HDAC4: variants seen among roughly 807,000 people sequenced by gnomAD.
The protein encoded by HDAC4 is histone deacetylase 4, also known as histone deacetylase A.
HDAC4 carries 16 observed loss-of-function variants against 135.1 expected under a neutral mutation model. The observed-to-expected ratio is 0.12, with a 90% CI of 0.08 to 0.18. The LOEUF is 0.18. HDAC4 is among the 10% of genes least tolerant of loss of function. The probability of loss-of-function intolerance (pLI) is 1.00; values close to 1 mark genes in which losing one functional copy is unlikely to be tolerated. For missense variants in HDAC4, 1,143 were observed against 1,511.8 expected, an observed-to-expected ratio of 0.76 and a Z score of 4.05; for synonymous variants, 685 against 653.4, an observed-to-expected ratio of 1.05 and a Z score of -0.74.
At chr2:239,322,176 C>A (rs1330526613) in intron 2 of HDAC4, among the ~76,000 whole-genome samples, 1 of 152,228 alleles carries the variant, frequency 6.6e-6, no homozygotes, top group African/African-American at 2.4e-5. Context: ...AAGACTTGGC[C>A]TGCAACCAAT....
intron 18 of HDAC4, 151 bp from the exon 19 acceptor site, chr2:239,087,765 TG>T (rs2036120808): frequency 1.3e-6 from 1 of 755,380 alleles, no homozygotes; most frequent in African/African-American, 1.7e-5. Context: ...GGGGACAGGA[TG>T]CAGGGCCAGC....
Position 239,274,408 on chromosome 2 carries a change from G to A in HDAC4, c.23-37744C>T, listed in dbSNP as rs556918092. Among the ~76,000 whole-genome samples the A allele has an allele frequency of 2.0e-5, 3 of 152,232 alleles. No homozygotes were observed. The South Asian group carries it at 6.2e-4, about 32-fold the overall frequency. On this transcript the variant is annotated intron_variant, in intron 2 of 26. Coordinates refer to ENST00000543185, the MANE Select transcript of HDAC4 (RefSeq NM_001378414.1). ...GACAGGACAAGCCCAGTGCACCCCG[G>A]CGTCCCCTCCCAGTTTTAAGGACGA...
intron 12 of HDAC4, among the ~76,000 whole-genome samples, chr2:239,122,003 T>C (rs1439393308): frequency 2.0e-5 from 3 of 152,234 alleles, no homozygotes; most frequent in Non-Finnish European, 4.4e-5. Flanking sequence ...AGAGCCCCTT[T>C]CATCAATTCA....
intron 2 of HDAC4, among the ~76,000 whole-genome samples, chr2:239,260,963 TG>T (rs1394124506): frequency 6.6e-6 from 1 of 150,718 alleles, no homozygotes; most frequent in East Asian, 2.0e-4. Flanking sequence ...GGCACTGGGG[TG>T]GAGACGGAAG....
At chr2:239,288,294 C>A (rs2125464168) in intron 2 of HDAC4, among the ~76,000 whole-genome samples, 1 of 152,310 alleles carries the variant, frequency 6.6e-6, no homozygotes, top group South Asian at 2.1e-4. Flanking sequence ...ACACAGCTAT[C>A]CATGAACTTA....
chr2:239,368,533 C>A (rs527861951), intron 1 of HDAC4, among the ~76,000 whole-genome samples: 1 of 152,136 alleles, frequency 6.6e-6, no homozygotes, highest in Admixed American at 6.5e-5. Flanking sequence ...GTGTCCCAGC[C>A]GCCCACCCAC....
At chr2:239,191,715 T>C (rs1309133706) in intron 3 of HDAC4, among the ~76,000 whole-genome samples, 1 of 152,082 alleles carries the variant, frequency 6.6e-6, no homozygotes, top group Non-Finnish European at 1.5e-5. Context: ...GACTTCACTG[T>C]CTCCTCACCC....
At chr2:239,112,996 G>A (rs2038809288) in intron 13 of HDAC4, among the ~76,000 whole-genome samples, 1 of 152,042 alleles carries the variant, frequency 6.6e-6, no homozygotes, top group South Asian at 2.1e-4. Flanking sequence ...AGGCTGAGGC[G>A]GGTGGATCAC....
chr2:239,077,023 CCT>C (rs1264097242), intron 22 of HDAC4, among the ~76,000 whole-genome samples: 2 of 152,184 alleles, frequency 1.3e-5, no homozygotes, highest in Admixed American at 1.3e-4. Context: ...AGCCTGTGGC[CCT>C]GTCCCAATCT....
chr2:239,346,603 AAC>A (rs1692695816), intron 2 of HDAC4, among the ~76,000 whole-genome samples: 2 of 148,612 alleles, frequency 1.3e-5, no homozygotes, highest in Admixed American at 6.7e-5. Flanking sequence ...ACCTGTCTAA[AAC>A]ACACATACAC....
chr2:239,385,733 G>C (rs1575791988), intron 1 of HDAC4, among the ~76,000 whole-genome samples: 1 of 152,194 alleles, frequency 6.6e-6, no homozygotes, highest in South Asian at 2.1e-4. Context: ...CTGCAGCCTC[G>C]TCCATTACTC....
chr2:239,372,030 G>A (rs1413257930), intron 1 of HDAC4, among the ~76,000 whole-genome samples: 1 of 152,198 alleles, frequency 6.6e-6, no homozygotes, highest in Non-Finnish European at 1.5e-5. Context: ...CGCGTGGGTG[G>A]CTGCTCGGCC....
intron 17 of HDAC4, chr2:239,094,616 C>T (rs1356465746): frequency 8.7e-7 from 1 of 1,144,228 alleles, no homozygotes; most frequent in Non-Finnish European, 1.1e-6. Context: ...GGAGCCCCAC[C>T]TGTAGCTTCG....
intron 2 of HDAC4, among the ~76,000 whole-genome samples, chr2:239,323,765 G>A (rs940015695): frequency 1.2e-4 from 19 of 152,234 alleles, no homozygotes; most frequent in Admixed American, 1.1e-3. Flanking sequence ...CCCCTGTCAC[G>A]GGGCCCCGGG....
rs200726253 is a variant in HDAC4 at position 239,053,485 on chromosome 2, C to T, written c.3205G>A (p.Val1069Met). Residue 1069 changes from valine to methionine, a missense_variant, in exon 26 of 27, where the codon GTG becomes ATG. Transcript: ENST00000543185. ...CTCTTTTCGGCGGGCTTCACGCCCA[C>T]GGACAGCGAGGCCATGGCGGTGACC... ...ETVTAMASLS[V>M]GVKPAEKRPD... 73 of 1,613,486 alleles carry T rather than the reference C, an allele frequency of 4.5e-5. No homozygotes were observed. Among genetic ancestry groups the T allele is most frequent in the African/African-American group, 3.3e-4 (25 of 75,062 alleles).
At position 239,245,442 on chromosome 2, in the gene HDAC4, C is replaced by T. The variant is rs1340903711; in HGVS notation, c.23-8778G>A. Among the ~76,000 whole-genome samples, 1 of 152,116 alleles carries T rather than the reference C, an allele frequency of 6.6e-6. No individual in the cohort carries two copies. The highest frequency in any genetic ancestry group is 1.5e-5 in the Non-Finnish European group (1 of 68,018). On this transcript the variant is annotated intron_variant, in intron 2 of 26. Transcript: ENST00000543185. This position sits in a 1 kb window ranked among gnomAD's most constrained non-coding sequence, Gnocchi z 4.4. ...TGTAAAAAGACAGTTTTTAAGACAA[C>T]CAGTAAAAATTAAACATCGTTTGGG...
At chr2:239,151,422 A>G (rs886601143) in intron 7 of HDAC4, among the ~76,000 whole-genome samples, 1 of 152,150 alleles carries the variant, frequency 6.6e-6, no homozygotes, top group Admixed American at 6.5e-5. Flanking sequence ...CCCAAAATGG[A>G]GGAAAACCCA....
intron 3 of HDAC4, among the ~76,000 whole-genome samples, chr2:239,196,974 C>T (rs890616397): frequency 6.6e-6 from 1 of 152,178 alleles, no homozygotes; most frequent in African/African-American, 2.4e-5. Flanking sequence ...GCAGGCGCTC[C>T]CTCTGTCTGC....
Position 239,053,162 on chromosome 2 carries a change from T to C in HDAC4, c.3231-26A>G, listed in dbSNP as rs1460008108. ...CTGTGGATCCCGCAAGAGAAGGAGA[T>C]GGGGGCGTGGGGCAGGTGCACCACA... On this transcript the variant is annotated intron_variant, in intron 26 of 26. Coordinates refer to ENST00000543185, the MANE Select transcript of HDAC4 (RefSeq NM_001378414.1). 2.5e-6 allele frequency: 4 copies of C among 1,613,610 alleles called. No homozygotes were observed. In the African/African-American group the frequency reaches 4.0e-5, roughly 16 times the overall value.
Sources: gnomAD v4.1 joint callset for allele counts (sites outside exome capture counted in the v4.1 genomes callset) on GRCh38, gnomAD v4.1.1 for gene constraint, Gnocchi (gnomAD v3.1) non-coding constraint, MANE v1.5 for transcripts, NCBI Gene and HGNC (gene_info 2026-07-23, HGNC 2026-07-21) for gene names.